MDN1: variants seen among roughly 807,000 people sequenced by gnomAD.
MDN1 encodes midasin.
A neutral mutation model predicts 669.2 loss-of-function variants in MDN1; 266 were observed. The ratio of observed to expected loss-of-function variants is 0.40; its 90% CI spans 0.36 to 0.44. The LOEUF (loss-of-function observed/expected upper bound fraction) is 0.44, where lower values mean the gene tolerates loss of function less well. Among genes scored for constraint, MDN1 ranks in the 20% least tolerant of loss-of-function variants. The pLI is 1.00. For synonymous variants in MDN1, 2,385 were observed against 2,457.1 expected, an observed-to-expected ratio of 0.97 and a Z score of 0.87; for missense variants, 5,940 against 6,754.0, an observed-to-expected ratio of 0.88 and a Z score of 4.22.
chr6:89,800,851 TAGAC>T (rs1194618853), intron 2 of MDN1, among the ~76,000 whole-genome samples: 3 of 152,148 alleles, frequency 2.0e-5, no homozygotes, highest in Non-Finnish European at 2.9e-5. Context: ...TAAACCCAGA[TAGAC>T]AGTCTCAGAG....
intron 65 of MDN1, 78 bp from the exon 66 acceptor site, chr6:89,688,886 A>C: frequency 1.7e-6 from 2 of 1,207,056 alleles, no homozygotes; most frequent in East Asian, 5.0e-5. Flanking sequence ...TGTCAGCAAC[A>C]GGGCCAGGTG....
intron 15 of MDN1, among the ~76,000 whole-genome samples, chr6:89,763,867 C>T (rs1488324051): frequency 6.6e-6 from 1 of 152,134 alleles, no homozygotes; most frequent in Non-Finnish European, 1.5e-5. Flanking sequence ...CTTTCACTTA[C>T]TCATAGCACT....
Position 89,772,735 on chromosome 6 carries a change from A to G in MDN1, c.1935-14T>C. 1 of 1,611,040 alleles carries G rather than the reference A, an allele frequency of 6.2e-7. No homozygotes were observed. The highest frequency in any genetic ancestry group is 8.5e-7 in the Non-Finnish European group (1 of 1,178,682). On this transcript the variant is annotated splice_polypyrimidine_tract_variant and intron_variant, in intron 13 of 101. Coordinates refer to ENST00000369393, the MANE Select transcript of MDN1 (RefSeq NM_014611.3). Reference sequence around the variant, plus strand: ...GTGAACTTCTCCCTGGGAAGGAGAAAAAAAGAGTTTAAAAACCACGCTGCA... The same window carrying G: ...GTGAACTTCTCCCTGGGAAGGAGAAGAAAAGAGTTTAAAAACCACGCTGCA...
chr6:89,658,075 T>C, intron 90 of MDN1, 134 bp downstream of exon 90: 2 of 1,026,028 alleles, frequency 1.9e-6, no homozygotes, highest in Non-Finnish European at 2.9e-6. Flanking sequence ...TGTGGTCTGT[T>C]AGATGTCAAC....
chr6:89,732,175 T>C (rs150512096), intron 34 of MDN1, among the ~76,000 whole-genome samples: 134 of 152,224 alleles, frequency 8.8e-4, no homozygotes, highest in African/African-American at 3.1e-3. Context: ...AAAATTGCTT[T>C]GCTAAAAACC....
At chr6:89,759,464 C>T (rs1284565166) in intron 17 of MDN1, among the ~76,000 whole-genome samples, 2 of 152,094 alleles carry the variant, frequency 1.3e-5, no homozygotes. Flanking sequence ...AGAAATAATC[C>T]TATTAAGAAT....
Position 89,658,254 on chromosome 6 carries a change from G to A in MDN1, c.15138C>T (p.Ala5046=). 3 of 1,614,182 alleles carry A rather than the reference G, an allele frequency of 1.9e-6. No individual in the cohort carries two copies. The highest frequency in any genetic ancestry group is 2.5e-6 in the Non-Finnish European group (3 of 1,180,034). ...CAGGTGCGGCCCCAGCCAGCTCCAT[G>A]GCCTGTGTGTTCTGCATGTTCTCCA... ...TGVENMQNTQ[A]MELAGAAPEK... The change falls in exon 90 of 102, where the codon GCC becomes GCT. Residue 5046 remains alanine (A), a synonymous_variant. Transcript: ENST00000369393.
intron 83 of MDN1, among the ~76,000 whole-genome samples, chr6:89,670,170 A>ATATAT (rs1444537561): frequency 3.8e-4 from 9 of 23,392 alleles, no homozygotes; most frequent in East Asian, 6.7e-3. Context: ...ATATATATAT[A>ATATAT]TTTTTTTTTT....
chr6:89,678,887 A>T (rs747095613), intron 74 of MDN1, 142 bp from the exon 75 acceptor site: 2 of 811,270 alleles, frequency 2.5e-6, no homozygotes, highest in Non-Finnish European at 1.8e-6. Flanking sequence ...TACTTAACAT[A>T]GTCCCTAGCA....
chr6:89,770,801 C>T (rs1386508372), intron 15 of MDN1, among the ~76,000 whole-genome samples: 1 of 152,148 alleles, frequency 6.6e-6, no homozygotes, highest in East Asian at 1.9e-4. Context: ...CCACGCCTGG[C>T]CCAGAACTTA....
intron 59 of MDN1, 76 bp downstream of exon 59, chr6:89,698,788 TA>T: frequency 6.9e-7 from 1 of 1,459,808 alleles, no homozygotes; most frequent in South Asian, 1.2e-5. Flanking sequence ...ATGCTAGGAA[TA>T]AATGTTTATT....
intron 1 of MDN1, among the ~76,000 whole-genome samples, chr6:89,803,890 C>CTTTCTTTTTTTTGTT (rs377468650): frequency 1.1e-5 from 1 of 93,224 alleles, no homozygotes; most frequent in African/African-American, 4.1e-5. Context: ...CTTTTCTTTT[C>CTTTCTTTTTTTTGTT]TTTTCTTTTT....
intron 53 of MDN1, among the ~76,000 whole-genome samples, chr6:89,703,788 G>A (rs1283883931): frequency 2.6e-5 from 4 of 152,026 alleles, no homozygotes; most frequent in Non-Finnish European, 4.4e-5. Context: ...GAGGCAGGCA[G>A]ATCATCTGAG....
intron 1 of MDN1, among the ~76,000 whole-genome samples, chr6:89,813,644 C>A (rs1015392343): frequency 6.6e-6 from 1 of 151,544 alleles, no homozygotes; most frequent in African/African-American, 2.4e-5. Flanking sequence ...GGTGGGAGGA[C>A]CATTTGAGCC....
At chr6:89,707,579 C>T (rs1377448732) in intron 51 of MDN1, 103 bp from the exon 52 acceptor site, 1 of 737,834 alleles carries the variant, frequency 1.4e-6, no homozygotes. Context: ...GGTCCTTCAT[C>T]CTGCCATTCC....
At chr6:89,723,713 T>C (rs927038932) in intron 38 of MDN1, 94 bp from the exon 39 acceptor site, 3 of 601,894 alleles carry the variant, frequency 5.0e-6, no homozygotes, top group South Asian at 3.2e-5. Flanking sequence ...AAATCTTTAA[T>C]ACCAAGTAAC....
intron 1 of MDN1, among the ~76,000 whole-genome samples, chr6:89,809,491 C>A (rs1164119309): frequency 6.6e-6 from 1 of 151,838 alleles, no homozygotes; most frequent in Non-Finnish European, 1.5e-5. Context: ...GTTAGCCAGG[C>A]TTGGCTGGGT....
intron 8 of MDN1, among the ~76,000 whole-genome samples, chr6:89,787,130 G>A (rs1019820171): frequency 2.0e-5 from 3 of 151,326 alleles, no homozygotes; most frequent in Admixed American, 6.6e-5. Context: ...GAATACTATC[G>A]GGTTAGCTCC....
chr6:89,655,646 A>G, intron 92 of MDN1, 118 bp downstream of exon 92: 1 of 904,672 alleles, frequency 1.1e-6, no homozygotes, highest in Non-Finnish European at 1.7e-6. Context: ...AACATTGTAT[A>G]CATGTATCAA....
Sources: gnomAD v4.1 joint callset for allele counts (sites outside exome capture counted in the v4.1 genomes callset) on GRCh38, gnomAD v4.1.1 for gene constraint, MANE v1.5 for transcripts, NCBI Gene and HGNC (gene_info 2026-07-23, HGNC 2026-07-21) for gene names.